Variants in LCA5 observed in about 807,000 individuals in gnomAD.
LCA5 encodes the protein lebercilin LCA5, also known as lebercilin.
Under a neutral mutation model 53.0 loss-of-function variants are expected in LCA5, and 37 were observed. The observed-to-expected ratio is 0.70, with a 90% CI of 0.54 to 0.92. The LOEUF is 0.92. LCA5 is among the 40% of genes least tolerant of loss of function. The pLI is 0.00. For synonymous variants in LCA5, 303 were observed against 282.9 expected, an observed-to-expected ratio of 1.07 and a Z score of -0.71; for missense variants, 806 against 790.5, an observed-to-expected ratio of 1.02 and a Z score of -0.23.
At chr6:79,536,002 G>A (rs907314356) in intron 1 of LCA5, among the ~76,000 whole-genome samples, 4 of 152,176 alleles carry the variant, frequency 2.6e-5, no homozygotes, top group African/African-American at 7.2e-5. Flanking sequence ...ATGTGTAACG[G>A]AAGAGATGTG....
chr6:79,511,484 T>C (rs965676082), intron 3 of LCA5, among the ~76,000 whole-genome samples: 7 of 152,160 alleles, frequency 4.6e-5, no homozygotes, highest in African/African-American at 1.7e-4. Flanking sequence ...AGGAGGTAGC[T>C]GTGGCTGTAA....
At chr6:79,510,685 A>G (rs1770388167) in intron 3 of LCA5, among the ~76,000 whole-genome samples, 1 of 152,154 alleles carries the variant, frequency 6.6e-6, no homozygotes, top group Non-Finnish European at 1.5e-5. Context: ...TGTAAACCAC[A>G]TACCTGACAA....
At position 79,534,208 on chromosome 6, in the gene LCA5, A is replaced by G. The variant is rs1337847410; in HGVS notation, c.-192+2957T>C. 2.6e-5 allele frequency among the ~76,000 whole-genome samples: 4 copies of G among 151,910 alleles called. No homozygotes were observed. The East Asian group carries it at 5.8e-4, about 22-fold the overall frequency. ...CTTGCTTAAAAATCAAACTATTTTT[A>G]TTTAAAAATAAAACAAAAAATAAAG... On this transcript the variant is annotated intron_variant, in intron 1 of 7. Transcript: ENST00000369846.
rs1769652799 is a variant in LCA5, at chr6:79,486,337, A to G, written c.*667T>C. 6.6e-6 allele frequency: 1 copy of G among 152,308 alleles called. No individual in the cohort carries two copies. Among genetic ancestry groups the G allele is most frequent in the Non-Finnish European group, 1.5e-5 (1 of 68,098 alleles). 9.4% of individuals were successfully genotyped at this position (152,308 alleles called of 1,614,324 possible). A position where few individuals can be genotyped will look rare whatever the true frequency, so the allele number is the denominator to read the frequency against. On this transcript the variant is annotated 3_prime_UTR_variant, in exon 8 of 8. Transcript: ENST00000369846. ...AGAGCAACTAACTGTCCTTGCAAAC[A>G]GAGAAATGTCTTCCGAACTCAACAT...
At chr6:79,509,402 C>T (rs2655679) in intron 3 of LCA5, among the ~76,000 whole-genome samples, 24,646 of 147,448 alleles carry the variant, frequency 0.17, 2,558 homozygotes, top group African/African-American at 0.29. Flanking sequence ...TGCAGTGAGC[C>T]GAGATCATGT....
rs552287185 is a variant in LCA5 at position 79,504,214 on chromosome 6, C to A, written c.720+8998G>T. On this transcript the variant is annotated intron_variant, in intron 3 of 7. Coordinates refer to ENST00000369846, the MANE Select transcript of LCA5 (RefSeq NM_001122769.3). Reference sequence around the variant, plus strand: ...TGCTCTACTGACCCAGGGACTTCCTCTTCCAGCCTTTTTCCATTAGTATAC... The same window carrying A: ...TGCTCTACTGACCCAGGGACTTCCTATTCCAGCCTTTTTCCATTAGTATAC... Among the ~76,000 whole-genome samples the A allele has an allele frequency of 5.9e-5, 9 of 152,316 alleles. No individual in the cohort carries two copies. The South Asian group carries it at 1.7e-3, about 28-fold the overall frequency.
rs1161461671 is a variant in LCA5 at position 79,486,936 on chromosome 6, G to C, written c.*68C>G. The C allele has an allele frequency of 7.8e-7, 1 of 1,286,598 alleles. No homozygotes were observed. Among genetic ancestry groups the C allele is most frequent in the Non-Finnish European group, 1.1e-6 (1 of 935,220 alleles). The allele number at this position is 1,286,598 out of a possible 1,614,324, so 79.7% of individuals were successfully genotyped here. A position where few individuals can be genotyped will look rare whatever the true frequency, so the allele number is the denominator to read the frequency against. ...CATTTTAGCATTAAAAAGTCTAAAT[G>C]TTTATAATAAATACTGTATTAAAAT... is the stretch of plus-strand genomic sequence containing the variant. On this transcript the variant is annotated 3_prime_UTR_variant, in exon 8 of 8. Transcript: ENST00000369846.
At chr6:79,535,204 A>G (rs1433978370) in intron 1 of LCA5, among the ~76,000 whole-genome samples, 1 of 152,168 alleles carries the variant, frequency 6.6e-6, no homozygotes, top group Non-Finnish European at 1.5e-5. Flanking sequence ...TAAAGTAATA[A>G]TAAGTGGGAC....
Position 79,518,852 on chromosome 6 carries a change from T to G in LCA5, c.43A>C (p.Lys15Gln), listed in dbSNP as rs17857377. The G allele has an allele frequency of 6.2e-7, 1 of 1,614,146 alleles. No homozygotes were observed. ...AGSPGTDQER[K>Q]AGKHHYSYLS... is the part of the protein sequence containing the mutation. Reference sequence around the variant, plus strand: ...TAAGAATAATGGTGTTTGCCTGCCTTTCTTTCTTGATCAGTACCTGGACTT... The same window carrying G: ...TAAGAATAATGGTGTTTGCCTGCCTGTCTTTCTTGATCAGTACCTGGACTT... The change falls in exon 2 of 8, where the codon AAG becomes CAG. Residue 15 changes from lysine to glutamine, a missense_variant. Physicochemically the swap from Lys to Gln is moderately conservative, Grantham distance 53. Transcript: ENST00000369846.
At chr6:79,491,924 G>C (rs1182723893) in intron 5 of LCA5, among the ~76,000 whole-genome samples, 194 bp from the exon 6 acceptor site, 1 of 151,678 alleles carries the variant, frequency 6.6e-6, no homozygotes, top group Non-Finnish European at 1.5e-5. Flanking sequence ...TGCATGTTTT[G>C]CTCAGCTTGG....
At chr6:79,508,293 GCCTC>G (rs1283569676) in intron 3 of LCA5, among the ~76,000 whole-genome samples, 1 of 152,110 alleles carries the variant, frequency 6.6e-6, no homozygotes, top group Non-Finnish European at 1.5e-5. Context: ...TTGGCTGTTT[GCCTC>G]CCTAACCAGT....
chr6:79,498,437 C>G (rs961157972), intron 3 of LCA5, among the ~76,000 whole-genome samples: 2 of 151,840 alleles, frequency 1.3e-5, no homozygotes, highest in African/African-American at 4.8e-5. Flanking sequence ...TCAATGAGAA[C>G]ATGTTAAAAA....
chr6:79,535,062 G>A (rs888919788), intron 1 of LCA5, among the ~76,000 whole-genome samples: 2 of 152,114 alleles, frequency 1.3e-5, no homozygotes, highest in Non-Finnish European at 2.9e-5. Flanking sequence ...CTGGATATAT[G>A]TGACTTAAAA....
intron 1 of LCA5, among the ~76,000 whole-genome samples, chr6:79,533,595 A>C (rs1409291864): frequency 6.6e-6 from 1 of 151,770 alleles, no homozygotes; most frequent in South Asian, 2.1e-4. Flanking sequence ...AAAAAAAAAA[A>C]GTAAAAAGTC....
chr6:79,509,349 G>A (rs934484300), intron 3 of LCA5, among the ~76,000 whole-genome samples: 3 of 151,758 alleles, frequency 2.0e-5, no homozygotes, highest in Non-Finnish European at 2.9e-5. Flanking sequence ...AGCTACTCAG[G>A]AGGCTGAGGC....
intron 1 of LCA5, among the ~76,000 whole-genome samples, chr6:79,526,089 G>A (rs544003965): frequency 1.3e-5 from 2 of 152,250 alleles, no homozygotes; most frequent in Non-Finnish European, 2.9e-5. Flanking sequence ...AAGGCCTCCC[G>A]AACTAAGACC....
chr6:79,491,638 T>C lies in LCA5; in HGVS notation c.1048A>G (p.Thr350Ala). Residue 350 changes from threonine (T) to alanine (A), a missense_variant, in exon 6 of 8, where the codon ACA (threonine) becomes GCA (alanine). Thr to Ala is a moderately conservative substitution (Grantham distance 58). Transcript: ENST00000369846. ...KPEEYPLTPE[T>A]IMCYENKWEE... Reference sequence around the variant, plus strand: ...CATTTGTTTTCGTAACACATAATTGTTTCTGGAGTTAAAGGATATTCTTCT... The same window carrying C: ...CATTTGTTTTCGTAACACATAATTGCTTCTGGAGTTAAAGGATATTCTTCT... 2 of 1,613,292 alleles carry C rather than the reference T, an allele frequency of 1.2e-6. No homozygotes were observed. Among genetic ancestry groups the C allele is most frequent in the African/African-American group, 1.3e-5 (1 of 75,024 alleles).
At chr6:79,510,966 C>T (rs190723268) in intron 3 of LCA5, among the ~76,000 whole-genome samples, 3 of 151,354 alleles carry the variant, frequency 2.0e-5, no homozygotes, top group Admixed American at 1.3e-4. Flanking sequence ...ACACTACTGA[C>T]GGGACAATAA....
chr6:79,493,707 C>T lies in LCA5; in HGVS notation c.764G>A (p.Arg255Gln), dbSNP rs727503995. 16 of 1,613,410 alleles carry T rather than the reference C, an allele frequency of 9.9e-6. No individual in the cohort carries two copies. The Admixed American group carries it at 1.3e-4, about 13-fold the overall frequency. ...CCTTTTCCTTTCAGCAAGCAACTGT[C>T]GTTGGAAACTGTTAGTACTCAGTTC... ...NLELSTNSFQ[R>Q]QLLAERKRAY... Residue 255 changes from arginine (R) to glutamine (Q), a missense_variant, in exon 4 of 8, where the codon CGA becomes CAA. Coordinates refer to ENST00000369846, the MANE Select transcript of LCA5 (RefSeq NM_001122769.3).
Sources: gnomAD v4.1 joint callset for allele counts (sites outside exome capture counted in the v4.1 genomes callset) on GRCh38, gnomAD v4.1.1 for gene constraint, MANE v1.5 for transcripts, NCBI Gene and HGNC (gene_info 2026-07-23, HGNC 2026-07-21) for gene names.